CLIC5: variants seen among roughly 807,000 people sequenced by gnomAD.
The protein encoded by CLIC5 is CLIC family member 5, also known as chloride intracellular channel protein 5.
A neutral mutation model predicts 24.7 loss-of-function variants in CLIC5; 20 were observed. The ratio of observed to expected loss-of-function variants is 0.81; its 90% CI spans 0.57 to 1.18. The LOEUF (loss-of-function observed/expected upper bound fraction) is 1.18, where lower values mean the gene tolerates loss of function less well. CLIC5 is among the 50% of genes most tolerant of loss of function. The pLI is 0.00. For missense variants in CLIC5, 341 were observed against 326.1 expected, an observed-to-expected ratio of 1.05 and a Z score of -0.35; for synonymous variants, 159 against 135.6, an observed-to-expected ratio of 1.17 and a Z score of -1.20.
At chr6:45,920,761 T>G in intron 4 of CLIC5, 4 of 547,738 alleles carry the variant, frequency 7.3e-6, no homozygotes, top group Non-Finnish European at 9.3e-6. Context: ...AAGCGGGATG[T>G]AGGAGCCCCA....
chr6:46,022,933 G>A (rs1204322722), intron 1 of CLIC5, among the ~76,000 whole-genome samples: 1 of 152,146 alleles, frequency 6.6e-6, no homozygotes, highest in East Asian at 1.9e-4. Flanking sequence ...CAACTGGAGT[G>A]GAAGCTTCTT....
chr6:46,046,001 C>T (rs1767942827), intron 1 of CLIC5, among the ~76,000 whole-genome samples: 1 of 152,124 alleles, frequency 6.6e-6, no homozygotes, highest in Non-Finnish European at 1.5e-5. Context: ...CAGGTGCAAT[C>T]ACTTTGGGGC....
the CLIC5 span, among the ~76,000 whole-genome samples, chr6:46,118,413 A>G: frequency 3.9e-5 from 6 of 152,160 alleles, no homozygotes; most frequent in African/African-American, 1.4e-4. Flanking sequence ...CCAGACCAAG[A>G]TATTTTGAAG....
the CLIC5 span, among the ~76,000 whole-genome samples, chr6:46,101,848 T>C: frequency 6.6e-6 from 1 of 152,214 alleles, no homozygotes; most frequent in Non-Finnish European, 1.5e-5. Context: ...TTTGACTTTT[T>C]CTTTAATCAT....
Position 45,914,357 on chromosome 6 carries a change from G to A in CLIC5, c.459C>T (p.Asn153=). 2 of 1,601,982 alleles carry A rather than the reference G, an allele frequency of 1.2e-6. No homozygotes were observed. The highest frequency in any genetic ancestry group is 1.7e-6 in the Non-Finnish European group (2 of 1,171,068). The change falls in exon 5 of 6, where the codon AAC becomes AAT. Residue 153 remains asparagine, a synonymous_variant. Coordinates refer to ENST00000339561, the MANE Select transcript of CLIC5 (RefSeq NM_016929.5). ...CGTCAATCTCCTCTGGTAGAGGGGTGTTCAGGTAGTCATCCAATTTCTTTA... is the reference window on the plus strand; with the variant it reads ...CGTCAATCTCCTCTGGTAGAGGGGTATTCAGGTAGTCATCCAATTTCTTTA... ...KALKKLDDYL[N]TPLPEEIDAN...
the CLIC5 span, chr6:46,097,045 C>T: frequency 6.6e-6 from 1 of 152,146 alleles, no homozygotes; most frequent in Non-Finnish European, 1.5e-5. Context: ...GAATAGTACA[C>T]TTAAGAATTA....
At position 45,974,122 on chromosome 6, in the gene CLIC5, A is replaced by C. The variant is rs143494774; in HGVS notation, c.64-18878T>G. 3.7e-3 allele frequency among the ~76,000 whole-genome samples: 560 copies of C among 152,200 alleles called. 1 individual carries two copies. Among genetic ancestry groups the C allele is most frequent in the Middle Eastern group, 0.014 (4 of 294 alleles). On this transcript the variant is annotated intron_variant, in intron 1 of 5. Coordinates refer to ENST00000339561, the MANE Select transcript of CLIC5 (RefSeq NM_016929.5). Reference sequence around the variant, plus strand: ...TTTGTATTTAAAAACAAAATCTTGCATGTGTTCGTATTGTACGTGTGAGAG... The same window carrying C: ...TTTGTATTTAAAAACAAAATCTTGCCTGTGTTCGTATTGTACGTGTGAGAG...
At chr6:45,893,096 G>A (rs1762366778) in intron 6 of CLIC5, among the ~76,000 whole-genome samples, 1 of 152,112 alleles carries the variant, frequency 6.6e-6, no homozygotes, top group Non-Finnish European at 1.5e-5. Context: ...ACTTGGCCCT[G>A]TTGTTGTCTT....
chr6:46,085,743 A>T, the CLIC5 span, among the ~76,000 whole-genome samples: 4 of 152,220 alleles, frequency 2.6e-5, no homozygotes, highest in African/African-American at 9.6e-5. Context: ...CCGTTCTCAG[A>T]TCTCCAGCTG....
chr6:46,113,186 T>C, the CLIC5 span, among the ~76,000 whole-genome samples: 1 of 152,178 alleles, frequency 6.6e-6, no homozygotes, highest in Non-Finnish European at 1.5e-5. Context: ...TGAGGCACCA[T>C]CAGCCACAGT....
the CLIC5 span, among the ~76,000 whole-genome samples, chr6:46,116,501 C>T: frequency 6.6e-6 from 1 of 152,154 alleles, no homozygotes; most frequent in African/African-American, 2.4e-5. Flanking sequence ...CTGTTAAGTA[C>T]ATATCTCTTG....
the CLIC5 span, among the ~76,000 whole-genome samples, chr6:46,097,678 C>T: frequency 6.6e-6 from 1 of 152,196 alleles, no homozygotes; most frequent in Non-Finnish European, 1.5e-5. Flanking sequence ...TTCACCATTC[C>T]AGGCCATACA....
At chr6:45,925,317 CTTT>C (rs10691767) in intron 4 of CLIC5, among the ~76,000 whole-genome samples, 1 of 136,280 alleles carries the variant, frequency 7.3e-6, no homozygotes, top group Non-Finnish European at 1.6e-5. Flanking sequence ...CATTATTCCG[CTTT>C]TTTTTTTTTT....
chr6:46,089,381 A>G, the CLIC5 span, among the ~76,000 whole-genome samples: 1 of 152,074 alleles, frequency 6.6e-6, no homozygotes, highest in African/African-American at 2.4e-5. Context: ...TCATTTTCTT[A>G]TTTGTAAAAA....
chr6:45,990,421 TG>T (rs1765893830), intron 1 of CLIC5, among the ~76,000 whole-genome samples: 1 of 152,240 alleles, frequency 6.6e-6, no homozygotes, highest in South Asian at 2.1e-4. Context: ...GTTTCCTTTT[TG>T]TTTTAGAAAA....
At chr6:46,102,874 G>A in the CLIC5 span, among the ~76,000 whole-genome samples, 1 of 152,198 alleles carries the variant, frequency 6.6e-6, no homozygotes, top group Non-Finnish European at 1.5e-5. Flanking sequence ...AGAAACACAA[G>A]ACTGGGACAA....
chr6:46,057,649 C>A (rs1422729535), intron 1 of CLIC5, among the ~76,000 whole-genome samples: 1 of 152,208 alleles, frequency 6.6e-6, no homozygotes, highest in Non-Finnish European at 1.5e-5. Flanking sequence ...CCTTTCACAG[C>A]AGGGTGCCAA....
At chr6:46,036,359 G>C (rs961801485) in intron 1 of CLIC5, among the ~76,000 whole-genome samples, 2 of 131,388 alleles carry the variant, frequency 1.5e-5, no homozygotes, top group Admixed American at 1.6e-4. Context: ...GCCCAGGCTG[G>C]AGTGCAGTTG....
the CLIC5 span, among the ~76,000 whole-genome samples, chr6:46,104,774 T>C: frequency 6.6e-6 from 1 of 152,168 alleles, no homozygotes; most frequent in Non-Finnish European, 1.5e-5. Context: ...GTATCATGGT[T>C]AGCCTTAGAA....
Sources: allele counts gnomAD v4.1 joint callset (sites outside exome capture counted in the v4.1 genomes callset), GRCh38; gene constraint gnomAD v4.1.1; transcripts MANE v1.5; gene names NCBI Gene and HGNC (gene_info 2026-07-23, HGNC 2026-07-21).